CAMTA1: variants seen among roughly 807,000 people sequenced by gnomAD.
The protein encoded by CAMTA1 is calmodulin binding transcription activator 1.
A neutral mutation model predicts 170.9 loss-of-function variants in CAMTA1; 27 were observed. The ratio of observed to expected loss-of-function variants is 0.16; its 90% confidence interval spans 0.12 to 0.22. CAMTA1 has a LOEUF of 0.22. Among genes scored for constraint, CAMTA1 ranks in the 10% least tolerant of loss-of-function variants. CAMTA1 has a pLI of 1.00. For synonymous variants in CAMTA1, 833 were observed against 891.5 expected (o/e 0.93, Z 1.17); for missense variants, 1,619 against 2,217.2 (o/e 0.73, Z 5.42).
chr1:7,311,078 T>G (rs1367205270), intron 5 of CAMTA1, among the ~76,000 whole-genome samples: 1 of 152,228 alleles, frequency 6.6e-6, no homozygotes, highest in African/African-American at 2.4e-5. Context: ...GATTCTGATG[T>G]ATCTGATTAT....
intron 1 of CAMTA1, among the ~76,000 whole-genome samples, chr1:6,818,352 A>G (rs1207002833): frequency 6.6e-6 from 1 of 152,006 alleles, no homozygotes; most frequent in East Asian, 1.9e-4. Context: ...AAACAAACAA[A>G]CAAATAACAA....
intron 5 of CAMTA1, among the ~76,000 whole-genome samples, chr1:7,462,393 G>A (rs1359539082): frequency 6.6e-6 from 1 of 152,140 alleles, no homozygotes; most frequent in Non-Finnish European, 1.5e-5. Flanking sequence ...AGCCTCCTGC[G>A]TAGCTGAGAC....
chr1:7,042,105 T>C (rs769798832), intron 3 of CAMTA1, among the ~76,000 whole-genome samples: 2 of 152,172 alleles, frequency 1.3e-5, no homozygotes, highest in Non-Finnish European at 2.9e-5. Context: ...GGATACCCTG[T>C]TCAGCTTTGT....
chr1:7,655,748 C>T (rs1229778140), intron 7 of CAMTA1, among the ~76,000 whole-genome samples: 2 of 152,170 alleles, frequency 1.3e-5, no homozygotes, highest in East Asian at 3.8e-4. Context: ...CACCTATACA[C>T]ACACCTATAT....
intron 3 of CAMTA1, among the ~76,000 whole-genome samples, chr1:6,899,396 G>T (rs1483181637): frequency 6.6e-6 from 1 of 152,200 alleles, no homozygotes; most frequent in Non-Finnish European, 1.5e-5. Flanking sequence ...ACTCCCTGTA[G>T]GGCTGGGTAT....
intron 11 of CAMTA1, among the ~76,000 whole-genome samples, chr1:7,715,667 T>C (rs2096604204): frequency 6.6e-6 from 1 of 152,250 alleles, no homozygotes; most frequent in Non-Finnish European, 1.5e-5. Context: ...GCTTTAATGC[T>C]GGCCTCAGTA....
intron 4 of CAMTA1, among the ~76,000 whole-genome samples, chr1:7,153,293 A>G (rs1249170394): frequency 6.6e-6 from 1 of 152,222 alleles, no homozygotes; most frequent in Non-Finnish European, 1.5e-5. Context: ...CTGTATCAGG[A>G]GCACGGTGAT....
At chr1:6,953,729 C>T (rs1470307972) in intron 3 of CAMTA1, among the ~76,000 whole-genome samples, 2 of 152,012 alleles carry the variant, frequency 1.3e-5, no homozygotes, top group African/African-American at 4.8e-5. Context: ...CTTTTAAGGG[C>T]CTTTTAAAAA....
At chr1:7,419,136 ACTT>A (rs1479311654) in intron 5 of CAMTA1, among the ~76,000 whole-genome samples, 4 of 152,022 alleles carry the variant, frequency 2.6e-5, no homozygotes, top group South Asian at 2.1e-4. Context: ...CCCTTCCCGA[ACTT>A]CTTCTTCTTT....
intron 1 of CAMTA1, among the ~76,000 whole-genome samples, chr1:6,803,801 A>C: frequency 6.6e-6 from 1 of 152,102 alleles, no homozygotes; most frequent in East Asian, 1.9e-4. Flanking sequence ...TGGCACCTTG[A>C]ATTCCTGGAC....
intron 3 of CAMTA1, chr1:6,871,669 G>C (rs2148991947): frequency 8.8e-7 from 1 of 1,137,520 alleles, no homozygotes; most frequent in East Asian, 2.6e-5. Context: ...GAATGATGGG[G>C]TTCAGTTACA....
chr1:7,566,739 C>T (rs1159224150), intron 6 of CAMTA1, among the ~76,000 whole-genome samples: 6 of 152,348 alleles, frequency 3.9e-5, no homozygotes, highest in Non-Finnish European at 5.9e-5. Flanking sequence ...CCCTGCACAT[C>T]AGGAGGGAAG....
chr1:7,498,738 G>C lies in CAMTA1; in HGVS notation c.510+30837G>C, dbSNP rs2093890259. ...GGGTGTACATGAGTGCATGTGCAGA[G>C]AGGATGAGTGTGCAGAGGATTGTGT... is the stretch of plus-strand genomic sequence containing the variant. On this transcript the variant is annotated intron_variant, in intron 6 of 22. Coordinates refer to ENST00000303635, the MANE Select transcript of CAMTA1 (RefSeq NM_015215.4). 2.7e-5 allele frequency among the ~76,000 whole-genome samples: 3 copies of C among 109,848 alleles called. No homozygotes were observed. In the South Asian group the frequency reaches 8.7e-4, roughly 32 times the overall value. 72.1% of individuals were successfully genotyped at this position (109,848 alleles called of 152,430 possible).
intron 4 of CAMTA1, among the ~76,000 whole-genome samples, chr1:7,236,428 T>C (rs958016737): frequency 2.0e-5 from 3 of 152,172 alleles, no homozygotes; most frequent in African/African-American, 7.2e-5. Flanking sequence ...GGGCGGTTCT[T>C]GGGCTCCCCA....
At chr1:7,048,679 T>C (rs948987607) in intron 3 of CAMTA1, among the ~76,000 whole-genome samples, 2 of 152,218 alleles carry the variant, frequency 1.3e-5, no homozygotes, top group African/African-American at 4.8e-5. Flanking sequence ...CAGTCTTGCC[T>C]TCCTTTCATT....
intron 16 of CAMTA1, among the ~76,000 whole-genome samples, chr1:7,739,004 T>C (rs980048906): frequency 6.6e-6 from 1 of 152,206 alleles, no homozygotes; most frequent in Non-Finnish European, 1.5e-5. Flanking sequence ...ATTGCCCTTA[T>C]AATAAATCTA....
chr1:7,647,057 T>C (rs2095811895), intron 7 of CAMTA1, among the ~76,000 whole-genome samples: 1 of 152,184 alleles, frequency 6.6e-6, no homozygotes, highest in Admixed American at 6.5e-5. Flanking sequence ...GTGGCTGCAG[T>C]GGCAGAGAAA....
At chr1:7,625,781 G>A (rs953987711) in intron 6 of CAMTA1, among the ~76,000 whole-genome samples, 5 of 152,182 alleles carry the variant, frequency 3.3e-5, no homozygotes, top group South Asian at 2.1e-4. Flanking sequence ...ACCAGTTGGC[G>A]CTTCCTGCAA....
chr1:7,673,953 A>T lies in CAMTA1; in HGVS notation c.2779+2916A>T, dbSNP rs1294755963. On this transcript the variant is annotated intron_variant, in intron 10 of 22. Coordinates refer to ENST00000303635, the MANE Select transcript of CAMTA1 (RefSeq NM_015215.4). This position sits in a 1 kb window ranked among gnomAD's most constrained non-coding sequence, Gnocchi z 4.6. Reference sequence around the variant, plus strand: ...GTCCAGGGAGGAGTGCAGTGCGCAAATGAATCACTGCTCCGGAGATGACGC... The same window carrying T: ...GTCCAGGGAGGAGTGCAGTGCGCAATTGAATCACTGCTCCGGAGATGACGC... Among the ~76,000 whole-genome samples the T allele has an allele frequency of 1.3e-5, 2 of 152,114 alleles. No homozygotes were observed. Among genetic ancestry groups the T allele is most frequent in the Non-Finnish European group, 2.9e-5 (2 of 68,026 alleles).
Sources: allele counts gnomAD v4.1 joint callset (sites outside exome capture counted in the v4.1 genomes callset), GRCh38; gene constraint gnomAD v4.1.1; non-coding constraint Gnocchi (gnomAD v3.1); transcripts MANE v1.5; gene names NCBI Gene and HGNC (gene_info 2026-07-23, HGNC 2026-07-21).